Variants in ARL15 observed in about 807,000 individuals in gnomAD.
ARL15 encodes the protein ADP-ribosylation factor-like protein 15.
ARL15 carries 19 observed loss-of-function variants against 25.2 expected under a neutral mutation model. That is an observed-to-expected ratio of 0.75 (90% CI 0.53 to 1.10). The LOEUF is 1.10. Ranked by LOEUF, ARL15 falls within the 50% of genes least tolerant of loss-of-function variation. The pLI, the probability that ARL15 is intolerant of heterozygous loss-of-function variation, is 0.00. For synonymous variants in ARL15, 94 were observed against 86.8 expected, an observed-to-expected ratio of 1.08 and a Z score of -0.46; for missense variants, 220 against 246.0, an observed-to-expected ratio of 0.89 and a Z score of 0.71.
chr5:54,167,195 C>T (rs1754599154), intron 2 of ARL15, among the ~76,000 whole-genome samples: 2 of 152,308 alleles, frequency 1.3e-5, no homozygotes, highest in Non-Finnish European at 1.5e-5. Context: ...TGGGAAGTTT[C>T]CTCACATGCA....
intron 1 of ARL15, among the ~76,000 whole-genome samples, chr5:54,180,826 A>C (rs1453713822): frequency 6.6e-6 from 1 of 152,188 alleles, no homozygotes; most frequent in Admixed American, 6.5e-5. Context: ...AACTCGTGGC[A>C]ACAAAAGAAA....
chr5:54,038,639 T>C (rs554684760), intron 4 of ARL15, among the ~76,000 whole-genome samples: 1 of 152,278 alleles, frequency 6.6e-6, no homozygotes, highest in African/African-American at 2.4e-5. Flanking sequence ...TCTCACTCTG[T>C]GAATTTACAT....
At chr5:54,005,564 T>C (rs1749001895) in intron 4 of ARL15, among the ~76,000 whole-genome samples, 1 of 151,832 alleles carries the variant, frequency 6.6e-6, no homozygotes, top group South Asian at 2.1e-4. Flanking sequence ...ACTCCGTCTC[T>C]ACTAAAAATA....
At chr5:54,057,760 G>A (rs1283756782) in intron 4 of ARL15, among the ~76,000 whole-genome samples, 1 of 152,058 alleles carries the variant, frequency 6.6e-6, no homozygotes, top group Non-Finnish European at 1.5e-5. Context: ...GAGATGGGAG[G>A]ATGGCCTGAG....
chr5:54,029,789 C>T (rs1000600453), intron 4 of ARL15, among the ~76,000 whole-genome samples: 3 of 152,112 alleles, frequency 2.0e-5, no homozygotes, highest in East Asian at 1.9e-4. Context: ...GTCAGGAGAT[C>T]GAGACCATCC....
chr5:54,012,811 A>G (rs1579698118), intron 4 of ARL15, among the ~76,000 whole-genome samples: 1 of 146,174 alleles, frequency 6.8e-6, no homozygotes. Flanking sequence ...GGTGTGAGCC[A>G]CCACGCTGGA....
At chr5:53,899,347 C>CAAAAAAAAAAAA (rs59145507) in intron 4 of ARL15, among the ~76,000 whole-genome samples, 1 of 89,378 alleles carries the variant, frequency 1.1e-5, no homozygotes, top group African/African-American at 5.4e-5. Flanking sequence ...GACTCTATCC[C>CAAAAAAAAAAAA]AAAAAAAAAA....
chr5:54,158,533 T>C (rs1447709390), intron 2 of ARL15, among the ~76,000 whole-genome samples: 1 of 152,210 alleles, frequency 6.6e-6, no homozygotes, highest in Non-Finnish European at 1.5e-5. Context: ...TTTCCTAATT[T>C]AGCTGCTATA....
chr5:54,110,693 AAG>A (rs1267924895), intron 4 of ARL15, among the ~76,000 whole-genome samples: 4 of 152,190 alleles, frequency 2.6e-5, no homozygotes, highest in African/African-American at 9.6e-5. Context: ...ACCTTTAGGA[AAG>A]AGAGAATAAA....
intron 1 of ARL15, among the ~76,000 whole-genome samples, chr5:54,220,337 T>C (rs1756337541): frequency 6.6e-6 from 1 of 152,196 alleles, no homozygotes; most frequent in South Asian, 2.1e-4. Flanking sequence ...TGTTTGCTTT[T>C]CCTGTGGATG....
chr5:54,043,665 C>T (rs931197997), intron 4 of ARL15, among the ~76,000 whole-genome samples: 25 of 152,020 alleles, frequency 1.6e-4, no homozygotes, highest in African/African-American at 5.3e-4. Flanking sequence ...TTTACCACCA[C>T]GGGCTGAGCA....
intron 1 of ARL15, among the ~76,000 whole-genome samples, chr5:54,240,488 T>C (rs1406114803): frequency 6.6e-6 from 1 of 152,132 alleles, no homozygotes; most frequent in Non-Finnish European, 1.5e-5. Context: ...AACCTACTTA[T>C]GTCCTTTTCA....
At chr5:54,188,868 A>G (rs1755316073) in intron 1 of ARL15, among the ~76,000 whole-genome samples, 2 of 152,082 alleles carry the variant, frequency 1.3e-5, no homozygotes, top group Non-Finnish European at 2.9e-5. Flanking sequence ...AATCCTATTA[A>G]TTTTAAATTT....
chr5:54,199,260 C>T (rs546189499), intron 1 of ARL15, among the ~76,000 whole-genome samples: 146 of 152,120 alleles, frequency 9.6e-4, no homozygotes, highest in African/African-American at 3.4e-3. Flanking sequence ...GTCTAGAACA[C>T]CAAAAGCAAT....
intron 4 of ARL15, among the ~76,000 whole-genome samples, chr5:53,992,371 C>G (rs16881958): frequency 0.22 from 33,492 of 152,072 alleles, 3,902 homozygotes; most frequent in East Asian, 0.46. Context: ...CACTTCAATA[C>G]CTGCTCAGTA....
chr5:54,263,341 T>A (rs992699911), intron 1 of ARL15, among the ~76,000 whole-genome samples: 4 of 151,888 alleles, frequency 2.6e-5, no homozygotes, highest in Non-Finnish European at 5.9e-5. Context: ...TGTTAACAAA[T>A]AAAAAAAGAT....
intron 1 of ARL15, among the ~76,000 whole-genome samples, chr5:54,307,118 C>T (rs1289849733): frequency 6.6e-6 from 1 of 152,096 alleles, no homozygotes; most frequent in African/African-American, 2.4e-5. Flanking sequence ...GCCTTTAAAC[C>T]CCATCATGGA....
intron 4 of ARL15, among the ~76,000 whole-genome samples, chr5:54,084,697 G>A (rs1751908977): frequency 6.6e-6 from 1 of 152,106 alleles, no homozygotes; most frequent in African/African-American, 2.4e-5. Context: ...GTAGGGTTGG[G>A]TATTCTCTGG....
At chr5:54,223,631 TAAC>T (rs1434429290) in intron 1 of ARL15, among the ~76,000 whole-genome samples, 1 of 152,164 alleles carries the variant, frequency 6.6e-6, no homozygotes, top group Non-Finnish European at 1.5e-5. Context: ...AACAATAAAA[TAAC>T]AATCAATTTT....
Sources: allele counts gnomAD v4.1 joint callset (sites outside exome capture counted in the v4.1 genomes callset), GRCh38; gene constraint gnomAD v4.1.1; transcripts MANE v1.5; gene names NCBI Gene and HGNC (gene_info 2026-07-23, HGNC 2026-07-21).